PLEKHG5: variants seen among roughly 807,000 people sequenced by gnomAD.
PLEKHG5 encodes pleckstrin homology and RhoGEF domain containing G5.
Under a neutral mutation model 103.8 loss-of-function variants are expected in PLEKHG5, and 52 were observed. The observed-to-expected ratio is 0.50, with a 90% CI of 0.40 to 0.63. The LOEUF is 0.63. Ranked by LOEUF, PLEKHG5 falls within the 30% of genes least tolerant of loss-of-function variation. PLEKHG5 has a pLI of 0.00. For missense variants in PLEKHG5, 1,205 were observed against 1,347.6 expected (o/e 0.89, Z 1.66); for synonymous variants, 592 against 575.5 (o/e 1.03, Z -0.41).
At position 6,470,647 on chromosome 1, in the gene PLEKHG5, G is replaced by C. The variant is rs1644540781; in HGVS notation, c.1543-4C>G. On this transcript the variant is annotated splice_region_variant and splice_polypyrimidine_tract_variant and intron_variant, in intron 14 of 20. Transcript: ENST00000377728. ...TGAAGCGCTCCACGGAGCCGATCTA[G>C]GGGCAGGTGAGGGAGCTTCAGGTCC... 5 of 1,567,406 alleles carry C rather than the reference G, an allele frequency of 3.2e-6. No individual in the cohort carries two copies. Among genetic ancestry groups the C allele is most frequent in the Admixed American group, 1.9e-5 (1 of 54,042 alleles).
Position 6,474,584 on chromosome 1 carries a change from C to T in PLEKHG5, c.306G>A (p.Glu102=). The change falls in exon 6 of 21, where the codon GAG becomes GAA. Residue 102 remains glutamate, a synonymous_variant. Transcript: ENST00000377728. ...TCCTTTCAAATACAGGCAGCAGCAC[C>T]TCCCTGCCCCCAGGACAGGAGGCAT... is the stretch of plus-strand genomic sequence containing the variant. ...VPAMKKKSLG[E]VLLPVFERKG... 6.2e-7 allele frequency: 1 copy of T among 1,613,568 alleles called. No homozygotes were observed. Among genetic ancestry groups the T allele is most frequent in the East Asian group, 2.2e-5 (1 of 44,890 alleles).
chr1:6,485,926 T>G, intron 1 of PLEKHG5: 2 of 985,534 alleles, frequency 2.0e-6, no homozygotes, highest in Non-Finnish European at 1.2e-6. Context: ...CAGAACTTGC[T>G]CTTTCTCCTG....
chr1:6,517,716 T>C (rs1638662308), intron 1 of PLEKHG5, among the ~76,000 whole-genome samples: 1 of 152,154 alleles, frequency 6.6e-6, no homozygotes, highest in Non-Finnish European at 1.5e-5. Flanking sequence ...GGGCCAGCCA[T>C]CAGGGAGACA....
chr1:6,473,086 T>C lies in PLEKHG5; in HGVS notation c.884A>G (p.Asp295Gly). Residue 295 changes from aspartate (D) to glycine (G), a missense_variant, in exon 9 of 21, where the codon GAC becomes GGC. Physicochemically the swap from Asp to Gly is moderately conservative, Grantham distance 94 (BLOSUM62 -1). Transcript: ENST00000377728. ...LPRLPRGLRF[D>G]HDSWEEEYDE... ...GTACTCCTCCTCCCAGGAGTCATGGTCGAAGCGCAGCCCCCGGGGCAGCCT... is the reference window on the plus strand; with the variant it reads ...GTACTCCTCCTCCCAGGAGTCATGGCCGAAGCGCAGCCCCCGGGGCAGCCT... 6.2e-6 allele frequency: 10 copies of C among 1,613,968 alleles called. No homozygotes were observed. The highest frequency in any genetic ancestry group is 8.5e-6 in the Non-Finnish European group (10 of 1,179,946).
In PLEKHG5 at chr1:6,490,733, G is replaced by A. The variant is rs1339553388; in HGVS notation, c.-88+904C>T. 1 of 376,076 alleles carries A rather than the reference G, an allele frequency of 2.7e-6. No individual in the cohort carries two copies. Among genetic ancestry groups the A allele is most frequent in the Non-Finnish European group, 3.7e-6 (1 of 273,352 alleles). The allele number at this position is 376,076 out of a possible 1,614,324, so 23.3% of individuals were successfully genotyped here. A position where few individuals can be genotyped will look rare whatever the true frequency, so the allele number is the denominator to read the frequency against. ...GGAGCCAGGGAGGTGGCTGGAGGCC[G>A]GGCGGTGGCTTGGGGTAATCCAGGA... On this transcript the variant is annotated intron_variant, in intron 1 of 20. Transcript: ENST00000377728. This position sits in a 1 kb window ranked among gnomAD's most constrained non-coding sequence, Gnocchi z 8.0.
rs776271244 is a variant in PLEKHG5 at position 6,477,534 on chromosome 1, G to C, written c.38C>G (p.Pro13Arg). ...CGGCTCCCGCCTGTGCTCACCTTGT[G>C]GGGGAAGGTCGAAGCGGACATGCCC... ...YDGHVRFDLP[P>R]QGSVLARNVS... Residue 13 changes from proline to arginine, a missense_variant, in exon 2 of 21, where the codon CCA (proline) becomes CGA (arginine). Pro to Arg is a moderately radical substitution (Grantham distance 103). Coordinates refer to ENST00000377728, the MANE Select transcript of PLEKHG5 (RefSeq NM_020631.6). 1.2e-6 allele frequency: 2 copies of C among 1,611,726 alleles called. No individual in the cohort carries two copies. The highest frequency in any genetic ancestry group is 2.2e-5 in the East Asian group (1 of 44,874).
intron 1 of PLEKHG5, among the ~76,000 whole-genome samples, chr1:6,489,404 A>G (rs977701937): frequency 1.3e-5 from 2 of 152,168 alleles, no homozygotes; most frequent in African/African-American, 2.4e-5. Flanking sequence ...GGCAGATGGC[A>G]GGGACACAGA....
intron 1 of PLEKHG5, chr1:6,506,133 C>G (rs1638310744): frequency 6.5e-6 from 1 of 152,824 alleles, no homozygotes; most frequent in South Asian, 2.1e-4. Context: ...CTCGTAGGTG[C>G]CCCGCTTCCT....
At position 6,473,307 on chromosome 1, in the gene PLEKHG5, C is replaced by T. The variant is rs772232182; in HGVS notation, c.739G>A (p.Ala247Thr). ...NTGDSWKNRAASRFSGFFSSG... is the reference protein window; with the variant it reads ...NTGDSWKNRATSRFSGFFSSG... Reference sequence around the variant, plus strand: ...CTGAAAAAGCCGCTGAAGCGACTGGCCGCCCGGTTCTTCCAGCTGTCGCCA... The same window carrying T: ...CTGAAAAAGCCGCTGAAGCGACTGGTCGCCCGGTTCTTCCAGCTGTCGCCA... The change falls in exon 8 of 21, where the codon GCC becomes ACC. Residue 247 changes from alanine (A) to threonine (T), a missense_variant. Transcript: ENST00000377728. 1.3e-6 allele frequency: 2 copies of T among 1,578,606 alleles called. No individual in the cohort carries two copies. The highest frequency in any genetic ancestry group is 1.4e-5 in the African/African-American group (1 of 74,032).
At position 6,473,508 on chromosome 1, in the gene PLEKHG5, C is replaced by T. The variant is rs1389980510; in HGVS notation, c.592-54G>A. 7.8e-6 allele frequency: 11 copies of T among 1,413,400 alleles called. No individual in the cohort carries two copies. In the African/African-American group the frequency reaches 1.4e-4, roughly 19 times the overall value. The allele number at this position is 1,413,400 out of a possible 1,614,324, so 87.6% of individuals were successfully genotyped here. On this transcript the variant is annotated intron_variant, in intron 7 of 20. Transcript: ENST00000377728. ...GACCCCCTGCCAGCCCCCATGGCCC[C>T]ACCCCAGGGCGGGTTTCCAGGGCCT...
upstream of PLEKHG5, chr1:6,497,217 C>T (rs1645239963): frequency 4.6e-6 from 4 of 865,898 alleles, no homozygotes; most frequent in Middle Eastern, 6.2e-4. The surrounding 1 kb of genome is among the most constrained non-coding windows in gnomAD (Gnocchi z 6.1). Flanking sequence ...CCGGTCGGCG[C>T]CCACCCCCTT....
intron 20 of PLEKHG5, 52 bp from the exon 21 acceptor site, chr1:6,467,624 T>G (rs946449555): frequency 2.5e-6 from 4 of 1,595,138 alleles, no homozygotes; most frequent in African/African-American, 1.3e-5. Context: ...CCATTCAGAG[T>G]GGCTCTGGTC....
In PLEKHG5 at chr1:6,505,925, T is replaced by TG. The variant is rs1382765023; in HGVS notation, c.-164-9357dup. On this transcript the variant is annotated intron_variant, in intron 1 of 21. Transcript: ENST00000377740. This position sits in a 1 kb window ranked among gnomAD's most constrained non-coding sequence, Gnocchi z 4.2. ...CCCACACCACCGTGGAGCAAGTGAC[T>TG]GTCAGCAGCATGTGTGTGTGAATGG... The TG allele has an allele frequency of 6.6e-6, 1 of 152,554 alleles. No homozygotes were observed. The highest frequency in any genetic ancestry group is 2.4e-5 in the African/African-American group (1 of 41,472). 9.5% of individuals were successfully genotyped at this position (152,554 alleles called of 1,614,324 possible).
intron 10 of PLEKHG5, among the ~76,000 whole-genome samples, chr1:6,472,015 G>A (rs1022186868): frequency 6.6e-6 from 1 of 152,206 alleles, no homozygotes; most frequent in Non-Finnish European, 1.5e-5. Context: ...TAGCCCTCCC[G>A]AGGTCACACT....
chr1:6,498,145 C>T (rs1019381556), upstream of PLEKHG5, among the ~76,000 whole-genome samples: 1 of 152,216 alleles, frequency 6.6e-6, no homozygotes, highest in Non-Finnish European at 1.5e-5. Context: ...GGCCAAGAGT[C>T]TGCGGGGGCT....
intron 1 of PLEKHG5, among the ~76,000 whole-genome samples, chr1:6,516,501 A>T (rs1175549543): frequency 1.3e-5 from 2 of 151,482 alleles, no homozygotes; most frequent in Non-Finnish European, 2.9e-5. Context: ...TACTAAAAAT[A>T]CAAAAATTAG....
At chr1:6,515,838 T>C (rs1638597091) in intron 1 of PLEKHG5, among the ~76,000 whole-genome samples, 2 of 152,134 alleles carry the variant, frequency 1.3e-5, no homozygotes, top group Non-Finnish European at 2.9e-5. Context: ...CCAAGAGCCA[T>C]GGCATTTCAG....
In PLEKHG5 at chr1:6,505,886, G is replaced by A. The variant is rs1204605446; in HGVS notation, c.-164-9317C>T. Reference sequence around the variant, plus strand: ...CTCCTGCACCAGCGGCAGCTCTCAGGAGTGGCTCTGGCCCCCACACCACCG... The same window carrying A: ...CTCCTGCACCAGCGGCAGCTCTCAGAAGTGGCTCTGGCCCCCACACCACCG... On this transcript the variant is annotated intron_variant, in intron 1 of 21. Transcript: ENST00000377740. This position sits in a 1 kb window ranked among gnomAD's most constrained non-coding sequence, Gnocchi z 4.2. The A allele has an allele frequency of 6.6e-6, 1 of 152,630 alleles. No homozygotes were observed. Among genetic ancestry groups the A allele is most frequent in the African/African-American group, 2.4e-5 (1 of 41,468 alleles). The allele number at this position is 152,630 out of a possible 1,614,324, so 9.5% of individuals were successfully genotyped here.
intron 1 of PLEKHG5, among the ~76,000 whole-genome samples, chr1:6,511,288 G>T (rs1638464375): frequency 6.6e-6 from 1 of 152,104 alleles, no homozygotes; most frequent in South Asian, 2.1e-4. Flanking sequence ...TCTCTGATGG[G>T]CCCTGTGCCA....
Sources: gnomAD v4.1 joint callset for allele counts (sites outside exome capture counted in the v4.1 genomes callset) on GRCh38, gnomAD v4.1.1 for gene constraint, Gnocchi (gnomAD v3.1) non-coding constraint, MANE v1.5 for transcripts, NCBI Gene and HGNC (gene_info 2026-07-23, HGNC 2026-07-21) for gene names.